The following HTR4 variants were observed in gnomAD, a reference collection of about 807,000 sequenced individuals.
The protein encoded by HTR4 is 5-hydroxytryptamine (serotonin) receptor 4, G protein-coupled.
A neutral mutation model predicts 36.8 loss-of-function variants in HTR4; 16 were observed. That is an observed-to-expected ratio of 0.43 (90% CI 0.29 to 0.66). HTR4 has a LOEUF of 0.66. HTR4 is among the 30% of genes least tolerant of loss of function. The pLI is 0.13. For missense variants in HTR4, 438 were observed against 490.9 expected (o/e 0.89, Z 1.02); for synonymous variants, 189 against 185.1 (o/e 1.02, Z -0.17).
chr5:148,630,418 A>G (rs1753281508), intron 2 of HTR4: 1 of 152,166 alleles, frequency 6.6e-6, no homozygotes, highest in African/African-American at 2.4e-5. Context: ...GCTGCAGAGA[A>G]AAGAGAAAAT....
intron 5 of HTR4, among the ~76,000 whole-genome samples, chr5:148,516,122 T>G (rs572766310): frequency 2.0e-5 from 3 of 151,530 alleles, no homozygotes; most frequent in African/African-American, 7.2e-5. Context: ...TCAATCAATA[T>G]TTTATTACAA....
intron 2 of HTR4, among the ~76,000 whole-genome samples, chr5:148,621,597 G>A (rs1256507104): frequency 2.0e-5 from 3 of 152,160 alleles, no homozygotes; most frequent in African/African-American, 7.2e-5. Flanking sequence ...TCAATTAGGT[G>A]AGCTAGTAAA....
intron 6 of HTR4, among the ~76,000 whole-genome samples, chr5:148,504,455 G>C (rs572335356): frequency 6.6e-6 from 1 of 152,166 alleles, no homozygotes; most frequent in Admixed American, 6.5e-5. Context: ...TGAGAACAAA[G>C]ACATGACATA....
At chr5:148,476,388 A>G (rs1396471726), downstream of HTR4, among the ~76,000 whole-genome samples, 2 of 152,248 alleles carry the variant, frequency 1.3e-5, no homozygotes, top group Non-Finnish European at 1.5e-5. Context: ...TAAACTTGCC[A>G]TAACTCGGTG....
At chr5:148,566,203 C>T (rs1459273854) in intron 2 of HTR4, among the ~76,000 whole-genome samples, 1 of 152,118 alleles carries the variant, frequency 6.6e-6, no homozygotes, top group Non-Finnish European at 1.5e-5. Context: ...GACATTTCTC[C>T]TAAATACCAT....
intron 4 of HTR4, among the ~76,000 whole-genome samples, chr5:148,548,462 T>C (rs1759494680): frequency 6.6e-6 from 1 of 152,212 alleles, no homozygotes. Flanking sequence ...GTCTTACTAA[T>C]CTGTGCATCT....
At chr5:148,553,297 A>G (rs925092977) in intron 2 of HTR4, among the ~76,000 whole-genome samples, 2 of 152,154 alleles carry the variant, frequency 1.3e-5, no homozygotes, top group African/African-American at 4.8e-5. Context: ...GATGTCAGGG[A>G]AGGTTCAATG....
At chr5:148,617,641 G>A (rs930930105) in intron 2 of HTR4, among the ~76,000 whole-genome samples, 25 of 151,896 alleles carry the variant, frequency 1.6e-4, no homozygotes, top group African/African-American at 6.0e-4. Context: ...GCTAATTTTT[G>A]TATTTTTAGT....
intron 5 of HTR4, among the ~76,000 whole-genome samples, chr5:148,462,671 A>G (rs1335758994): frequency 6.6e-6 from 1 of 152,114 alleles, no homozygotes; most frequent in African/African-American, 2.4e-5. Context: ...TTCTATGAGC[A>G]TTATCCTGTA....
intron 5 of HTR4, among the ~76,000 whole-genome samples, chr5:148,459,913 A>G (rs1047547064): frequency 6.6e-6 from 1 of 152,190 alleles, no homozygotes; most frequent in African/African-American, 2.4e-5. Flanking sequence ...ATGACATGCA[A>G]GAACAGATGA....
In HTR4 at chr5:148,654,175, C is replaced by G; in HGVS notation, c.-161G>C. On this transcript the variant is annotated 5_prime_UTR_variant, in exon 1 of 7. Transcript: ENST00000377888. ...CCGCTGCGCTCCCAGCCGCTGCCTG[C>G]GCCCTCCCTGCCGCCCCCTCGGGTG... is the stretch of plus-strand genomic sequence containing the variant. The G allele has an allele frequency of 1.0e-6, 1 of 985,594 alleles. No homozygotes were observed. The highest frequency in any genetic ancestry group is 1.2e-6 in the Non-Finnish European group (1 of 830,022). 61.1% of individuals were successfully genotyped at this position (985,594 alleles called of 1,614,324 possible).
intron 6 of HTR4, chr5:148,484,303 T>C: frequency 1.2e-6 from 2 of 1,613,690 alleles, no homozygotes; most frequent in Non-Finnish European, 1.7e-6. Flanking sequence ...ATGCTCAATG[T>C]GCCTGAGAAT....
At chr5:148,653,126 G>C (rs971624441) in intron 1 of HTR4, among the ~76,000 whole-genome samples, 5 of 152,128 alleles carry the variant, frequency 3.3e-5, no homozygotes, top group Non-Finnish European at 7.3e-5. Flanking sequence ...GTCACCCACA[G>C]CTTTAAGGGC....
chr5:148,483,065 C>T lies in HTR4; in HGVS notation c.*138G>A, dbSNP rs200587213. 4.0e-5 allele frequency: 59 copies of T among 1,479,230 alleles called. No homozygotes were observed. The highest frequency in any genetic ancestry group is 5.0e-5 in the Non-Finnish European group (55 of 1,109,660). 91.6% of individuals were successfully genotyped at this position (1,479,230 alleles called of 1,614,324 possible). On this transcript the variant is annotated 3_prime_UTR_variant, in exon 7 of 7. Transcript: ENST00000377888. ...CTGGAATCTCAGAGGAAAAGCCCAG[C>T]GAGCACCGGGTTCCTGCACTGGCGG...
In HTR4 at chr5:148,563,381, C is replaced by A. The variant is rs1833709; in HGVS notation, c.27-13119G>T. ...CAGAGAGGACTTATTTAAAAAAGAA[C>A]CTCCCCTCACTCTCTATTCTCTTGA... On this transcript the variant is annotated intron_variant, in intron 2 of 6. Coordinates refer to ENST00000377888, the MANE Select transcript of HTR4 (RefSeq NM_000870.7). Among the ~76,000 whole-genome samples the A allele has an allele frequency of 5.3e-5, 8 of 152,266 alleles. No homozygotes were observed. The South Asian group carries it at 1.5e-3, about 28-fold the overall frequency.
chr5:148,613,997 G>A (rs1327775713), intron 2 of HTR4, among the ~76,000 whole-genome samples: 1 of 150,864 alleles, frequency 6.6e-6, no homozygotes, highest in African/African-American at 2.4e-5. Context: ...CCTCTTCAAG[G>A]AGAACTACAA....
At chr5:148,476,785 C>T (rs376800112), downstream of HTR4, 39 of 1,611,914 alleles carry the variant, frequency 2.4e-5, no homozygotes, top group African/African-American at 6.7e-5. Flanking sequence ...TAATGAACCA[C>T]ACTGAAAAGC....
chr5:148,576,632 A>G (rs1257048133), intron 2 of HTR4, among the ~76,000 whole-genome samples: 2 of 152,142 alleles, frequency 1.3e-5, no homozygotes, highest in Non-Finnish European at 2.9e-5. Flanking sequence ...ACCTAGACCA[A>G]TGGAATAGAA....
At chr5:148,651,981 A>C (rs1240640045) in intron 1 of HTR4, among the ~76,000 whole-genome samples, 1 of 152,188 alleles carries the variant, frequency 6.6e-6, no homozygotes, top group Non-Finnish European at 1.5e-5. Context: ...ACAGGTGAAG[A>C]AACTAAGACT....
Sources: gnomAD v4.1 joint callset for allele counts (sites outside exome capture counted in the v4.1 genomes callset) on GRCh38, gnomAD v4.1.1 for gene constraint, MANE v1.5 for transcripts, NCBI Gene and HGNC (gene_info 2026-07-23, HGNC 2026-07-21) for gene names.